The following NCOA6 variants were observed in gnomAD, a reference collection of about 807,000 sequenced individuals.
NCOA6 encodes the protein NRC RAP250.
Under a neutral mutation model 171.4 loss-of-function variants are expected in NCOA6, and 49 were observed. The ratio of observed to expected loss-of-function variants is 0.29; its 90% CI spans 0.23 to 0.36. The LOEUF (loss-of-function observed/expected upper bound fraction) is 0.36, where lower values mean the gene tolerates loss of function less well. Ranked by LOEUF, NCOA6 falls within the 10% of genes least tolerant of loss-of-function variation. The pLI is 1.00. For synonymous variants in NCOA6, 910 were observed against 927.5 expected (o/e 0.98, Z 0.34); for missense variants, 2,248 against 2,554.5 (o/e 0.88, Z 2.59).
intron 2 of NCOA6, among the ~76,000 whole-genome samples, chr20:34,783,259 G>T (rs949696534): frequency 6.6e-6 from 1 of 152,004 alleles, no homozygotes. Flanking sequence ...TCCAGCCTGG[G>T]CAACAGAGCA....
At chr20:34,774,168 C>T (rs2077238529) in intron 4 of NCOA6, among the ~76,000 whole-genome samples, 4 of 152,158 alleles carry the variant, frequency 2.6e-5, no homozygotes, top group Admixed American at 2.6e-4. Context: ...AAAACACTAT[C>T]AATTAAGGTT....
At chr20:34,718,480 CT>C (rs913628188) in intron 14 of NCOA6, among the ~76,000 whole-genome samples, 269 of 140,464 alleles carry the variant, frequency 1.9e-3, no homozygotes, top group Admixed American at 2.3e-3. Context: ...GGCAAATCAC[CT>C]TTTTTTTTTT....
chr20:34,721,630 T>C (rs1394174474), intron 14 of NCOA6, among the ~76,000 whole-genome samples: 1 of 152,146 alleles, frequency 6.6e-6, no homozygotes, highest in Non-Finnish European at 1.5e-5. Flanking sequence ...TAATGTCACC[T>C]CTGATTTGAC....
At position 34,746,930 on chromosome 20, in the gene NCOA6, TAAA is replaced by T. The variant is rs11484299; in HGVS notation, c.2793-5_2793-3del. On this transcript the variant is annotated splice_polypyrimidine_tract_variant and splice_region_variant and intron_variant, in intron 9 of 14. Coordinates refer to ENST00000359003, the MANE Select transcript of NCOA6 (RefSeq NM_014071.5). ...CCAGCTGGGCGAGTATCTGGGGTGC[TAAA>T]AAAAAAAAAAAAAAAAAAAGTGACA... is the stretch of plus-strand genomic sequence containing the variant. The T allele has an allele frequency of 0.016, 17,874 of 1,089,278 alleles. No homozygotes were observed. Among genetic ancestry groups the T allele is most frequent in the South Asian group, 0.032 (1,152 of 35,600 alleles). 67.5% of individuals were successfully genotyped at this position (1,089,278 alleles called of 1,614,324 possible).
intron 10 of NCOA6, among the ~76,000 whole-genome samples, chr20:34,744,091 G>T (rs1043964383): frequency 2.0e-5 from 3 of 152,206 alleles, no homozygotes. Context: ...TTAGGGCATT[G>T]AAGTTTTTAT....
intron 11 of NCOA6, among the ~76,000 whole-genome samples, chr20:34,739,366 T>C (rs1252727772): frequency 6.6e-6 from 1 of 152,222 alleles, no homozygotes; most frequent in Admixed American, 6.5e-5. Flanking sequence ...AGTGGTCAAG[T>C]AACTTGCCCA....
chr20:34,785,006 T>A (rs1307167520), intron 2 of NCOA6, among the ~76,000 whole-genome samples: 1 of 151,538 alleles, frequency 6.6e-6, no homozygotes, highest in South Asian at 2.1e-4. Flanking sequence ...ACTTGAACCC[T>A]GGAGGCGGAG....
chr20:34,743,429 T>C, intron 10 of NCOA6, 88 bp from the exon 11 acceptor site: 3 of 1,366,198 alleles, frequency 2.2e-6, no homozygotes, highest in Non-Finnish European at 3.0e-6. Flanking sequence ...AATACTCATC[T>C]AGGTGGCACA....
intron 9 of NCOA6, among the ~76,000 whole-genome samples, chr20:34,747,652 C>G (rs2076347717): frequency 1.3e-5 from 2 of 152,132 alleles, no homozygotes; most frequent in African/African-American, 2.4e-5. Context: ...TTTAGTTTCC[C>G]TTTGCCCTGA....
At position 34,732,727 on chromosome 20, in the gene NCOA6, T is replaced by A; in HGVS notation, c.5963-132A>T. Reference sequence around the variant, plus strand: ...TGCCCAGCAGGATTCTCACCCTACATGGTATGGAGACAAAGCTGGCACAGA... The same window carrying A: ...TGCCCAGCAGGATTCTCACCCTACAAGGTATGGAGACAAAGCTGGCACAGA... On this transcript the variant is annotated intron_variant, in intron 12 of 14. Coordinates refer to ENST00000359003, the MANE Select transcript of NCOA6 (RefSeq NM_014071.5). 1.5e-6 allele frequency: 1 copy of A among 674,102 alleles called. No individual in the cohort carries two copies. The highest frequency in any genetic ancestry group is 2.5e-6 in the Non-Finnish European group (1 of 397,214). 41.8% of individuals were successfully genotyped at this position (674,102 alleles called of 1,614,324 possible).
chr20:34,793,152 A>G (rs1007716342), intron 1 of NCOA6, among the ~76,000 whole-genome samples: 6 of 152,100 alleles, frequency 3.9e-5, no homozygotes, highest in African/African-American at 9.7e-5. Flanking sequence ...ACAGACTTAT[A>G]CAAGCATCAC....
intron 1 of NCOA6, among the ~76,000 whole-genome samples, chr20:34,804,415 G>A (rs929454359): frequency 7.9e-5 from 12 of 151,578 alleles, no homozygotes; most frequent in Admixed American, 5.9e-4. Context: ...GCTGAGGTGG[G>A]AGGATTGCTT....
At chr20:34,777,884 A>C (rs2077382570) in intron 3 of NCOA6, among the ~76,000 whole-genome samples, 1 of 152,174 alleles carries the variant, frequency 6.6e-6, no homozygotes, top group Non-Finnish European at 1.5e-5. Flanking sequence ...AATCAGTAAA[A>C]TATGGTATAT....
At chr20:34,739,379 C>A (rs2076059836) in intron 11 of NCOA6, among the ~76,000 whole-genome samples, 1 of 152,190 alleles carries the variant, frequency 6.6e-6, no homozygotes, top group African/African-American at 2.4e-5. Context: ...CTTGCCCAAG[C>A]CCATATAGCT....
chr20:34,813,331 T>G (rs1487466359), intron 1 of NCOA6, among the ~76,000 whole-genome samples: 2 of 151,892 alleles, frequency 1.3e-5, no homozygotes, highest in African/African-American at 2.4e-5. Flanking sequence ...CCAGGCATGG[T>G]GGCGGGCACC....
chr20:34,740,320 C>G, intron 11 of NCOA6, 43 bp downstream of exon 11: 1 of 1,572,948 alleles, frequency 6.4e-7, no homozygotes, highest in Non-Finnish European at 8.6e-7. Context: ...ATTAGGTCAT[C>G]AAAAAACTGA....
intron 12 of NCOA6, among the ~76,000 whole-genome samples, chr20:34,736,262 G>A (rs2075955564): frequency 2.6e-5 from 4 of 152,128 alleles, no homozygotes; most frequent in Admixed American, 2.6e-4. Context: ...TTGTGGCAGA[G>A]ACTCAATGAA....
chr20:34,737,275 T>C (rs1417821074), intron 11 of NCOA6, among the ~76,000 whole-genome samples: 1 of 152,228 alleles, frequency 6.6e-6, no homozygotes, highest in East Asian at 1.9e-4. Context: ...AATTCATACA[T>C]AATAAATAAA....
chr20:34,755,451 C>T (rs2076614216), intron 7 of NCOA6, among the ~76,000 whole-genome samples: 1 of 152,170 alleles, frequency 6.6e-6, no homozygotes, highest in Non-Finnish European at 1.5e-5. Flanking sequence ...CAAAGTGATG[C>T]TGTATTAAAT....
Sources: gnomAD v4.1 joint callset for allele counts (sites outside exome capture counted in the v4.1 genomes callset) on GRCh38, gnomAD v4.1.1 for gene constraint, MANE v1.5 for transcripts, NCBI Gene and HGNC (gene_info 2026-07-23, HGNC 2026-07-21) for gene names.